Variants in CDKAL1 observed in about 807,000 individuals in gnomAD.
CDKAL1 encodes CDKAL1 threonylcarbamoyladenosine tRNA methylthiotransferase.
CDKAL1 carries 32 observed loss-of-function variants against 68.2 expected under a neutral mutation model. That is an observed-to-expected ratio of 0.47 (90% CI 0.35 to 0.63). CDKAL1 has a LOEUF of 0.63. Among genes scored for constraint, CDKAL1 ranks in the 30% least tolerant of loss-of-function variants. The pLI is 0.00. For missense variants in CDKAL1, 606 were observed against 696.7 expected (o/e 0.87, Z 1.47); for synonymous variants, 234 against 244.3 (o/e 0.96, Z 0.39).
intron 9 of CDKAL1, among the ~76,000 whole-genome samples, chr6:20,943,548 T>A (rs371140108): frequency 6.6e-6 from 1 of 152,114 alleles, no homozygotes. Flanking sequence ...ATTTTTATTA[T>A]GAATGTTTTA....
intron 9 of CDKAL1, among the ~76,000 whole-genome samples, chr6:20,853,410 A>G (rs1260627308): frequency 1.3e-5 from 2 of 148,534 alleles, no homozygotes; most frequent in African/African-American, 2.5e-5. Context: ...AACAAAAAAA[A>G]AAACCCTATA....
intron 13 of CDKAL1, among the ~76,000 whole-genome samples, chr6:21,110,287 C>A (rs1774056650): frequency 6.6e-6 from 1 of 152,136 alleles, no homozygotes; most frequent in Non-Finnish European, 1.5e-5. Flanking sequence ...ACCTACTTTT[C>A]TAAGTTCCAT....
At chr6:21,125,562 C>T (rs1394628747) in intron 13 of CDKAL1, among the ~76,000 whole-genome samples, 1 of 152,122 alleles carries the variant, frequency 6.6e-6, no homozygotes, top group Non-Finnish European at 1.5e-5. Context: ...ATCCCAGCTA[C>T]TCGGGAGGCT....
At chr6:20,745,138 A>G (rs1012283843) in intron 6 of CDKAL1, among the ~76,000 whole-genome samples, 2 of 152,234 alleles carry the variant, frequency 1.3e-5, no homozygotes, top group African/African-American at 2.4e-5. Context: ...GACTATTAGC[A>G]GGTTGATTTG....
At chr6:20,938,615 T>G (rs965053011) in intron 9 of CDKAL1, among the ~76,000 whole-genome samples, 2 of 152,172 alleles carry the variant, frequency 1.3e-5, no homozygotes, top group Non-Finnish European at 2.9e-5. Flanking sequence ...TTAAGTTAAT[T>G]GATAGAATCA....
chr6:20,661,237 G>A (rs1769270352), intron 5 of CDKAL1, among the ~76,000 whole-genome samples: 2 of 152,122 alleles, frequency 1.3e-5, no homozygotes, highest in Admixed American at 6.6e-5. Context: ...TATCATATGT[G>A]AATGAATTCA....
intron 13 of CDKAL1, among the ~76,000 whole-genome samples, chr6:21,160,409 T>C (rs1437579388): frequency 2.0e-5 from 3 of 151,836 alleles, no homozygotes; most frequent in Non-Finnish European, 4.4e-5. Context: ...GTGATTCTTC[T>C]GCTTCAGCCT....
At chr6:20,790,705 G>T in intron 8 of CDKAL1, among the ~76,000 whole-genome samples, 1 of 152,170 alleles carries the variant, frequency 6.6e-6, no homozygotes, top group Non-Finnish European at 1.5e-5. Context: ...CAATTAGAAG[G>T]GTGAGGATGG....
intron 9 of CDKAL1, among the ~76,000 whole-genome samples, chr6:20,859,088 A>AC (rs770280291): frequency 2.0e-5 from 3 of 152,054 alleles, no homozygotes; most frequent in Non-Finnish European, 2.9e-5. Flanking sequence ...ACTTTTTGTT[A>AC]CTTGACTAAG....
At chr6:20,617,059 T>A (rs1276629914) in intron 4 of CDKAL1, among the ~76,000 whole-genome samples, 1 of 145,528 alleles carries the variant, frequency 6.9e-6, no homozygotes, top group Non-Finnish European at 1.5e-5. Flanking sequence ...AAAAAAAGCC[T>A]TTTTGTTCTA....
At chr6:20,666,733 C>T (rs75406958) in intron 5 of CDKAL1, among the ~76,000 whole-genome samples, 2 of 147,952 alleles carry the variant, frequency 1.4e-5, no homozygotes, top group African/African-American at 2.5e-5. Context: ...GATGACATTA[C>T]CTTTTATTGA....
Position 21,078,306 on chromosome 6 carries a change from G to A in CDKAL1, c.1236+13078G>A, listed in dbSNP as rs193245042. Among the ~76,000 whole-genome samples, 123 of 152,248 alleles carry A rather than the reference G, an allele frequency of 8.1e-4. 2 individuals are homozygous for A. Among genetic ancestry groups the A allele is most frequent in the Admixed American group, 7.9e-3 (121 of 15,292 alleles). ...CCCAGGGTTTGCTGTATCACTAGGT[G>A]ACACATGCTTATTCCTAGATCTGTG... On this transcript the variant is annotated intron_variant, in intron 12 of 15. Transcript: ENST00000274695.
At chr6:20,805,592 A>G (rs1337193513) in intron 8 of CDKAL1, among the ~76,000 whole-genome samples, 1 of 152,246 alleles carries the variant, frequency 6.6e-6, no homozygotes, top group East Asian at 1.9e-4. Flanking sequence ...TGTGGTAAAA[A>G]TAATACAATA....
chr6:21,162,227 A>G (rs1388742548), intron 13 of CDKAL1, among the ~76,000 whole-genome samples: 1 of 152,210 alleles, frequency 6.6e-6, no homozygotes, highest in Non-Finnish European at 1.5e-5. Flanking sequence ...CACTGGGACC[A>G]TTCCAGGTCT....
chr6:20,855,526 G>T (rs567928689), intron 9 of CDKAL1, among the ~76,000 whole-genome samples: 2 of 148,810 alleles, frequency 1.3e-5, no homozygotes, highest in African/African-American at 4.9e-5. Context: ...TTTATTGGGT[G>T]CTAAGACAAT....
intron 8 of CDKAL1, among the ~76,000 whole-genome samples, chr6:20,802,150 T>C (rs1451140148): frequency 2.0e-5 from 3 of 151,566 alleles, no homozygotes; most frequent in Non-Finnish European, 2.9e-5. Context: ...ATACAAAAAT[T>C]AGCTGGGTAT....
intron 7 of CDKAL1, among the ~76,000 whole-genome samples, chr6:20,761,260 A>G (rs528408673): frequency 3.3e-5 from 5 of 152,370 alleles, no homozygotes; most frequent in African/African-American, 1.2e-4. Flanking sequence ...GTCAAAATCC[A>G]AAACATTGAC....
chr6:21,216,292 G>A (rs1189474527), intron 15 of CDKAL1, among the ~76,000 whole-genome samples: 2 of 152,168 alleles, frequency 1.3e-5, no homozygotes, highest in Admixed American at 6.6e-5. Flanking sequence ...TAGAATCCAT[G>A]TAAAAAATGA....
At chr6:20,925,236 T>G (rs372705826) in intron 9 of CDKAL1, among the ~76,000 whole-genome samples, 1 of 152,240 alleles carries the variant, frequency 6.6e-6, no homozygotes, top group Admixed American at 6.5e-5. Context: ...CAATAAAGTA[T>G]TTTAAAATCA....
Sources: allele counts gnomAD v4.1 joint callset (sites outside exome capture counted in the v4.1 genomes callset), GRCh38; gene constraint gnomAD v4.1.1; transcripts MANE v1.5; gene names NCBI Gene and HGNC (gene_info 2026-07-23, HGNC 2026-07-21).